PLEKHA5: variants seen among roughly 807,000 people sequenced by gnomAD.
The protein encoded by PLEKHA5 is pleckstrin homology domain containing A5, also known as pleckstrin homology domain-containing family A member 5.
In PLEKHA5, 55 loss-of-function variants were observed where a neutral mutation model predicts 181.9. The ratio of observed to expected loss-of-function variants is 0.30; its 90% CI spans 0.24 to 0.38. PLEKHA5 has a LOEUF of 0.38. PLEKHA5 is among the 10% of genes least tolerant of loss of function. The probability of loss-of-function intolerance (pLI) is 1.00; values close to 1 mark genes in which losing one functional copy is unlikely to be tolerated. For synonymous variants in PLEKHA5, 535 were observed against 529.4 expected (o/e 1.01, Z -0.15); for missense variants, 1,432 against 1,549.5 (o/e 0.92, Z 1.27).
At chr12:19,228,139 C>G (rs1482937996) in intron 3 of PLEKHA5, among the ~76,000 whole-genome samples, 1 of 152,136 alleles carries the variant, frequency 6.6e-6, no homozygotes. Flanking sequence ...CAAATCCTTG[C>G]CAATCCTCCA....
At chr12:19,363,430 G>T (rs1429321853) in intron 29 of PLEKHA5, among the ~76,000 whole-genome samples, 1 of 151,342 alleles carries the variant, frequency 6.6e-6, no homozygotes, top group African/African-American at 2.4e-5. Context: ...GCCTCCCAAA[G>T]TGCTGGTATT....
intron 26 of PLEKHA5, among the ~76,000 whole-genome samples, chr12:19,354,918 A>G (rs1192790518): frequency 2.0e-5 from 3 of 152,160 alleles, no homozygotes; most frequent in African/African-American, 7.2e-5. Context: ...TAATCACTGT[A>G]CTACACTCCT....
rs777534396 is a variant in PLEKHA5, at chr12:19,130,091, G to C, written c.130G>C (p.Gly44Arg). The C allele has an allele frequency of 6.3e-7, 1 of 1,589,684 alleles. No homozygotes were observed. Among genetic ancestry groups the C allele is most frequent in the South Asian group, 1.1e-5 (1 of 87,140 alleles). The change falls in exon 2 of 32, where the codon GGC becomes CGC. Residue 44 changes from glycine (G) to arginine (R), a missense_variant. This residue lies in a region of PLEKHA5 where 289 missense variants were observed against 381.1 expected (regional missense o/e 0.76). Transcript: ENST00000429027. This position sits in a 1 kb window ranked among gnomAD's most constrained non-coding sequence, Gnocchi z 4.5. ...KSTTWLHPVT[G>R]EAVVTGHRRQ... Reference sequence around the variant, plus strand: ...CACCACCTGGCTGCACCCCGTCACCGGCGAGGCGGTGGTCACCGGACACCG... The same window carrying C: ...CACCACCTGGCTGCACCCCGTCACCCGCGAGGCGGTGGTCACCGGACACCG...
chr12:19,241,441 T>C (rs2062577108), intron 3 of PLEKHA5, among the ~76,000 whole-genome samples: 2 of 152,188 alleles, frequency 1.3e-5, no homozygotes, highest in Non-Finnish European at 1.5e-5. Flanking sequence ...CATACTGTCT[T>C]AATTTTTCAG....
chr12:19,172,229 G>A (rs536007347), intron 3 of PLEKHA5, among the ~76,000 whole-genome samples: 5 of 152,290 alleles, frequency 3.3e-5, no homozygotes, highest in African/African-American at 9.6e-5. Flanking sequence ...AAACAGTTGA[G>A]TAATGCATTG....
At chr12:19,300,194 AG>A (rs1444364837) in intron 15 of PLEKHA5, among the ~76,000 whole-genome samples, 1 of 152,228 alleles carries the variant, frequency 6.6e-6, no homozygotes, top group East Asian at 1.9e-4. Context: ...CATAAGCTAG[AG>A]TGAAAACCTT....
intron 3 of PLEKHA5, among the ~76,000 whole-genome samples, chr12:19,132,813 T>C (rs2034360558): frequency 7.3e-6 from 1 of 137,720 alleles, no homozygotes; most frequent in Non-Finnish European, 1.5e-5. Context: ...TGTATATTCC[T>C]GGGTAATAGA....
intron 15 of PLEKHA5, among the ~76,000 whole-genome samples, chr12:19,301,350 T>C (rs1215638304): frequency 6.6e-6 from 1 of 152,114 alleles, no homozygotes; most frequent in Middle Eastern, 3.2e-3. Flanking sequence ...CAGTAAAAGA[T>C]TTTTTTTAAT....
chr12:19,222,710 C>G (rs1480203330), intron 3 of PLEKHA5, among the ~76,000 whole-genome samples: 1 of 152,080 alleles, frequency 6.6e-6, no homozygotes, highest in Non-Finnish European at 1.5e-5. Flanking sequence ...TTTAGCTACT[C>G]TTTAATTCTG....
At chr12:19,235,619 G>A (rs1031359119) in intron 3 of PLEKHA5, among the ~76,000 whole-genome samples, 5 of 152,100 alleles carry the variant, frequency 3.3e-5, no homozygotes, top group African/African-American at 9.7e-5. Context: ...TCACGGGGAG[G>A]CTAAGTAACC....
intron 30 of PLEKHA5, among the ~76,000 whole-genome samples, chr12:19,369,031 TTTG>T (rs954426989): frequency 1.1e-4 from 16 of 151,980 alleles, no homozygotes; most frequent in Non-Finnish European, 2.2e-4. Flanking sequence ...TTGTTTGTTT[TTTG>T]TTGTTGTTGT....
intron 3 of PLEKHA5, among the ~76,000 whole-genome samples, chr12:19,204,183 G>A (rs899147117): frequency 2.0e-5 from 3 of 152,028 alleles, no homozygotes; most frequent in Non-Finnish European, 2.9e-5. Context: ...ATATAGAAGG[G>A]TGATTTACAA....
At chr12:19,309,817 C>G (rs1408131855) in intron 15 of PLEKHA5, among the ~76,000 whole-genome samples, 1 of 152,094 alleles carries the variant, frequency 6.6e-6, no homozygotes, top group African/African-American at 2.4e-5. Context: ...TATTCTTAGG[C>G]ACACAGTGAT....
At chr12:19,228,541 G>A (rs1284378996) in intron 3 of PLEKHA5, among the ~76,000 whole-genome samples, 1 of 151,958 alleles carries the variant, frequency 6.6e-6, no homozygotes, top group Non-Finnish European at 1.5e-5. Context: ...GTTTTCATTT[G>A]TTTCATCGTA....
chr12:19,288,547 C>G (rs2077725732), intron 13 of PLEKHA5, among the ~76,000 whole-genome samples: 1 of 152,150 alleles, frequency 6.6e-6, no homozygotes, highest in Admixed American at 6.6e-5. Context: ...TATAGTTGTT[C>G]ATTATTTAAA....
At chr12:19,282,078 G>A (rs1245226889) in intron 11 of PLEKHA5, among the ~76,000 whole-genome samples, 4 of 152,146 alleles carry the variant, frequency 2.6e-5, no homozygotes, top group Middle Eastern at 3.4e-3. Flanking sequence ...CACTGCGCCC[G>A]GCCCAAAGTG....
chr12:19,337,523 T>A (rs1427847967), intron 21 of PLEKHA5, among the ~76,000 whole-genome samples: 1 of 131,304 alleles, frequency 7.6e-6, no homozygotes, highest in East Asian at 2.2e-4. Context: ...TACTCCAGCC[T>A]GAGCGACAGA....
rs115312376 is a variant in PLEKHA5, at chr12:19,325,372, T to C, written c.2448+2705T>C. On this transcript the variant is annotated intron_variant, in intron 20 of 31. Coordinates refer to ENST00000429027, the MANE Select transcript of PLEKHA5 (RefSeq NM_001256470.2). Reference sequence around the variant, plus strand: ...CACTCCAGCCTGGGTGATAGAGTGATACACTGTCTCTAAAACAAAATCGTT... The same window carrying C: ...CACTCCAGCCTGGGTGATAGAGTGACACACTGTCTCTAAAACAAAATCGTT... 9.1e-3 allele frequency among the ~76,000 whole-genome samples: 1,363 copies of C among 149,008 alleles called. 25 individuals carry two copies. Among genetic ancestry groups the C allele is most frequent in the African/African-American group, 0.032 (1,303 of 40,310 alleles).
At position 19,254,999 on chromosome 12, in the gene PLEKHA5, G is replaced by A. The variant is rs202135254; in HGVS notation, c.312-46G>A. 63 of 1,525,892 alleles carry A rather than the reference G, an allele frequency of 4.1e-5. 1 individual carries two copies. In the Middle Eastern group the frequency reaches 5.3e-4, roughly 13 times the overall value. 94.5% of individuals were successfully genotyped at this position (1,525,892 alleles called of 1,614,324 possible). On this transcript the variant is annotated intron_variant, in intron 4 of 31. Coordinates refer to ENST00000429027, the MANE Select transcript of PLEKHA5 (RefSeq NM_001256470.2). ...CTGTAGAGAAGTGTAATTATAAAGC[G>A]GGTTACATACACAGCAAGTTCTAGC...
Sources: gnomAD v4.1 joint callset for allele counts (sites outside exome capture counted in the v4.1 genomes callset) on GRCh38, gnomAD v4.1.1 for gene constraint, gnomAD v4.1.1 regional missense constraint, Gnocchi (gnomAD v3.1) non-coding constraint, MANE v1.5 for transcripts, NCBI Gene and HGNC (gene_info 2026-07-23, HGNC 2026-07-21) for gene names.